PIP4K2A: variants seen among roughly 807,000 people sequenced by gnomAD.
The protein encoded by PIP4K2A is phosphatidylinositol-5-phosphate 4-kinase type 2 alpha.
In PIP4K2A, 14 loss-of-function variants were observed where a neutral mutation model predicts 42.9. That is an observed-to-expected ratio of 0.33 (90% CI 0.22 to 0.51). The LOEUF is 0.51. Among genes scored for constraint, PIP4K2A ranks in the 20% least tolerant of loss-of-function variants. The pLI is 0.97. For synonymous variants in PIP4K2A, 192 were observed against 192.2 expected, an observed-to-expected ratio of 1.00 and a Z score of 0.01; for missense variants, 434 against 519.8, an observed-to-expected ratio of 0.83 and a Z score of 1.61.
intron 1 of PIP4K2A, among the ~76,000 whole-genome samples, chr10:22,664,123 A>G (rs1173242961): frequency 1.5e-5 from 1 of 67,116 alleles, no homozygotes; most frequent in Admixed American, 1.9e-4. Flanking sequence ...ATACATATAT[A>G]TATATACATA....
chr10:22,667,419 T>C (rs1839370511), intron 1 of PIP4K2A, among the ~76,000 whole-genome samples: 1 of 152,208 alleles, frequency 6.6e-6, no homozygotes, highest in African/African-American at 2.4e-5. Flanking sequence ...CACCTTAAGA[T>C]TTCACTCTAA....
chr10:22,567,009 T>C (rs1355514503), intron 6 of PIP4K2A, among the ~76,000 whole-genome samples: 1 of 152,214 alleles, frequency 6.6e-6, no homozygotes, highest in African/African-American at 2.4e-5. Context: ...TGCAAATCTA[T>C]AAAATTCAAC....
intron 1 of PIP4K2A, among the ~76,000 whole-genome samples, chr10:22,672,319 A>G (rs1165217010): frequency 6.6e-6 from 1 of 152,180 alleles, no homozygotes; most frequent in Non-Finnish European, 1.5e-5. Context: ...ATGAGATTAA[A>G]AAACAGAATC....
chr10:22,540,550 A>G (rs1836078183), intron 8 of PIP4K2A, among the ~76,000 whole-genome samples: 1 of 151,928 alleles, frequency 6.6e-6, no homozygotes, highest in Non-Finnish European at 1.5e-5. Context: ...GCATACATCC[A>G]CTCCAATGTC....
At chr10:22,672,115 A>G (rs1173563137) in intron 1 of PIP4K2A, among the ~76,000 whole-genome samples, 1 of 152,166 alleles carries the variant, frequency 6.6e-6, no homozygotes, top group Non-Finnish European at 1.5e-5. Flanking sequence ...TTCTTATCCT[A>G]CTACAGAAAA....
intron 1 of PIP4K2A, among the ~76,000 whole-genome samples, chr10:22,681,140 C>T (rs895772395): frequency 2.0e-5 from 3 of 152,176 alleles, no homozygotes; most frequent in Non-Finnish European, 4.4e-5. Context: ...TCAAATGTAT[C>T]GTTCTCAGCA....
intron 1 of PIP4K2A, among the ~76,000 whole-genome samples, chr10:22,680,158 CTTTTGAATTATGTGGAT>C (rs966137848): frequency 6.6e-6 from 1 of 151,908 alleles, no homozygotes; most frequent in African/African-American, 2.4e-5. Flanking sequence ...CCATGCACTA[CTTTTGAATTATGTGGAT>C]TTTTAAATCC....
chr10:22,539,306 CACT>C (rs749723100), intron 9 of PIP4K2A, among the ~76,000 whole-genome samples: 22 of 152,194 alleles, frequency 1.4e-4, no homozygotes, highest in Admixed American at 3.3e-4. Context: ...AAAGCAGGTA[CACT>C]ACTATCTCTT....
chr10:22,536,982 AC>A lies in PIP4K2A; in HGVS notation c.*218del. 5.0e-6 allele frequency: 2 copies of A among 400,502 alleles called. No individual in the cohort carries two copies. Among genetic ancestry groups the A allele is most frequent in the Non-Finnish European group, 4.6e-6 (1 of 217,172 alleles). 24.8% of individuals were successfully genotyped at this position (400,502 alleles called of 1,614,324 possible). A position where few individuals can be genotyped will look rare whatever the true frequency, so the allele number is the denominator to read the frequency against. On this transcript the variant is annotated 3_prime_UTR_variant, in exon 10 of 10. Transcript: ENST00000376573. Reference sequence around the variant, plus strand: ...ACCCCCCCCCAACACACACACACACACATATACACAAAGTCAGAAATAGCTA... The same window carrying A: ...ACCCCCCCCCAACACACACACACACAATATACACAAAGTCAGAAATAGCTA...
chr10:22,569,023 G>A (rs1440242262), intron 5 of PIP4K2A: 2 of 1,535,036 alleles, frequency 1.3e-6, no homozygotes, highest in African/African-American at 2.7e-5. Context: ...AGTTGGCTTG[G>A]GAAAAGTGAA....
chr10:22,657,205 C>T (rs1340464181), intron 1 of PIP4K2A, among the ~76,000 whole-genome samples: 3 of 152,218 alleles, frequency 2.0e-5, no homozygotes, highest in Admixed American at 6.5e-5. Flanking sequence ...AAGCACCAAC[C>T]GCCCCAGACA....
chr10:22,652,813 G>A (rs765223730), intron 1 of PIP4K2A, among the ~76,000 whole-genome samples: 1 of 152,172 alleles, frequency 6.6e-6, no homozygotes. Flanking sequence ...TTTATGAAGG[G>A]TCCATCGCAG....
At chr10:22,567,509 G>C in intron 6 of PIP4K2A, 1 of 513,898 alleles carries the variant, frequency 1.9e-6, no homozygotes, top group Middle Eastern at 5.6e-4. Flanking sequence ...GTTAGGTCCT[G>C]GTTCCCTGAC....
chr10:22,666,198 G>A (rs889312652), intron 1 of PIP4K2A, among the ~76,000 whole-genome samples: 5 of 151,938 alleles, frequency 3.3e-5, no homozygotes, highest in Non-Finnish European at 7.4e-5. Flanking sequence ...TATTACATAG[G>A]GAAACACAGA....
chr10:22,633,486 A>G (rs957378028), intron 1 of PIP4K2A, among the ~76,000 whole-genome samples: 11 of 152,300 alleles, frequency 7.2e-5, no homozygotes, highest in South Asian at 2.1e-4. Context: ...ACTTTGTCCC[A>G]GCTACCAGTA....
At chr10:22,623,928 G>C (rs1838385032) in intron 1 of PIP4K2A, among the ~76,000 whole-genome samples, 1 of 152,128 alleles carries the variant, frequency 6.6e-6, no homozygotes, top group South Asian at 2.1e-4. Flanking sequence ...GAAAAGAATA[G>C]TTCACAACAA....
intron 1 of PIP4K2A, among the ~76,000 whole-genome samples, chr10:22,623,349 G>A (rs1411611007): frequency 1.3e-5 from 2 of 152,102 alleles, no homozygotes; most frequent in African/African-American, 4.8e-5. Flanking sequence ...ATGATGGAGA[G>A]AAAAACCAAA....
At chr10:22,618,360 C>A (rs1052295351) in intron 1 of PIP4K2A, among the ~76,000 whole-genome samples, 2 of 152,140 alleles carry the variant, frequency 1.3e-5, no homozygotes, top group African/African-American at 4.8e-5. Flanking sequence ...CCCTGAGGTT[C>A]ATTCGCTTTA....
At chr10:22,592,745 C>T (rs1215296139) in intron 3 of PIP4K2A, among the ~76,000 whole-genome samples, 4 of 152,208 alleles carry the variant, frequency 2.6e-5, no homozygotes, top group Admixed American at 6.5e-5. Flanking sequence ...GGCCGTCCAG[C>T]CATGGGGTCT....
Sources: gnomAD v4.1 joint callset for allele counts (sites outside exome capture counted in the v4.1 genomes callset) on GRCh38, gnomAD v4.1.1 for gene constraint, MANE v1.5 for transcripts, NCBI Gene and HGNC (gene_info 2026-07-23, HGNC 2026-07-21) for gene names.